The following SH3GL2 variants were observed in gnomAD, a reference collection of about 807,000 sequenced individuals.
SH3GL2 encodes endophilin-A1.
In SH3GL2, 24 loss-of-function variants were observed where a neutral mutation model predicts 46.0. The ratio of observed to expected loss-of-function variants is 0.52; its 90% CI spans 0.38 to 0.73. The LOEUF (loss-of-function observed/expected upper bound fraction) is 0.73, where lower values mean the gene tolerates loss of function less well. SH3GL2 is among the 30% of genes least tolerant of loss of function. SH3GL2 has a pLI of 0.00. For synonymous variants in SH3GL2, 196 were observed against 147.1 expected (o/e 1.33, Z -2.40); for missense variants, 413 against 424.2 (o/e 0.97, Z 0.23).
intron 1 of SH3GL2, among the ~76,000 whole-genome samples, chr9:17,595,091 C>T (rs1007872889): frequency 6.6e-6 from 1 of 152,124 alleles, no homozygotes; most frequent in South Asian, 2.1e-4. Flanking sequence ...TTATTATCCC[C>T]ATTTTACAGA....
At chr9:17,739,719 A>C (rs558731995) in intron 1 of SH3GL2, among the ~76,000 whole-genome samples, 2 of 152,316 alleles carry the variant, frequency 1.3e-5, no homozygotes, top group East Asian at 3.9e-4. Flanking sequence ...TGTAGTTATA[A>C]ACCATCTTTC....
At chr9:17,740,787 AT>A (rs931903961) in intron 1 of SH3GL2, among the ~76,000 whole-genome samples, 61 of 109,368 alleles carry the variant, frequency 5.6e-4, no homozygotes, top group African/African-American at 2.1e-3. Flanking sequence ...CCTTATTTAA[AT>A]TATGATTTTT....
intron 1 of SH3GL2, among the ~76,000 whole-genome samples, chr9:17,596,166 T>C (rs1180567340): frequency 6.6e-6 from 1 of 152,006 alleles, no homozygotes; most frequent in Non-Finnish European, 1.5e-5. Context: ...ATTAGGCATT[T>C]AGCTTAAAAC....
intron 1 of SH3GL2, among the ~76,000 whole-genome samples, chr9:17,581,838 A>T (rs1818281611): frequency 6.6e-6 from 1 of 152,170 alleles, no homozygotes; most frequent in Non-Finnish European, 1.5e-5. Context: ...AGCTGGGATT[A>T]TAGGCATGCA....
intron 3 of SH3GL2, among the ~76,000 whole-genome samples, chr9:17,783,128 C>G (rs187846490): frequency 3.9e-5 from 6 of 152,114 alleles, no homozygotes; most frequent in African/African-American, 1.4e-4. Flanking sequence ...CTGGTTTTTG[C>G]TGTTTATCAT....
chr9:17,638,183 C>A (rs1016789414), intron 1 of SH3GL2, among the ~76,000 whole-genome samples: 24 of 151,800 alleles, frequency 1.6e-4, no homozygotes, highest in African/African-American at 4.8e-4. Context: ...AACAAAAAAA[C>A]CACTGATTTC....
At chr9:17,594,144 C>T (rs997944172) in intron 1 of SH3GL2, among the ~76,000 whole-genome samples, 1 of 152,134 alleles carries the variant, frequency 6.6e-6, no homozygotes, top group African/African-American at 2.4e-5. Flanking sequence ...AGGATAGGTC[C>T]CTCTGAAGTC....
At chr9:17,593,804 C>G (rs1277623412) in intron 1 of SH3GL2, among the ~76,000 whole-genome samples, 1 of 152,130 alleles carries the variant, frequency 6.6e-6, no homozygotes, top group Non-Finnish European at 1.5e-5. Context: ...GAAAATGGTG[C>G]AATACCATCC....
chr9:17,741,294 ATG>A (rs1822522640), intron 1 of SH3GL2, among the ~76,000 whole-genome samples: 1 of 152,076 alleles, frequency 6.6e-6, no homozygotes, highest in Admixed American at 6.6e-5. Flanking sequence ...TTGCCTACAT[ATG>A]TGTGTGTTTA....
At chr9:17,587,121 G>A (rs905342307) in intron 1 of SH3GL2, among the ~76,000 whole-genome samples, 1 of 152,324 alleles carries the variant, frequency 6.6e-6, no homozygotes, top group Admixed American at 6.5e-5. Flanking sequence ...AGAATTGCTT[G>A]CACCTGGGAG....
chr9:17,767,527 A>G (rs1563846078), intron 3 of SH3GL2, among the ~76,000 whole-genome samples: 1 of 152,232 alleles, frequency 6.6e-6, no homozygotes, highest in Non-Finnish European at 1.5e-5. Flanking sequence ...TGGTCTCACA[A>G]CACACTGAAT....
At chr9:17,619,838 TG>T (rs151152878) in intron 1 of SH3GL2, among the ~76,000 whole-genome samples, 2,402 of 152,310 alleles carry the variant, frequency 0.016, 75 homozygotes, top group African/African-American at 0.055. Context: ...CTTTAGAGAA[TG>T]TTTTAATGGG....
intron 1 of SH3GL2, among the ~76,000 whole-genome samples, chr9:17,626,122 G>A (rs145555881): frequency 9.8e-5 from 15 of 152,310 alleles, no homozygotes; most frequent in Admixed American, 9.8e-4. Context: ...GGCTCTGGCC[G>A]CAGGACACAG....
intron 8 of SH3GL2, among the ~76,000 whole-genome samples, chr9:17,794,494 A>C (rs988647577): frequency 6.6e-6 from 1 of 152,190 alleles, no homozygotes; most frequent in Non-Finnish European, 1.5e-5. Context: ...AGGACTAGTC[A>C]CAGAAATTGT....
intron 1 of SH3GL2, among the ~76,000 whole-genome samples, chr9:17,621,204 C>A (rs1049770768): frequency 6.6e-6 from 1 of 152,144 alleles, no homozygotes; most frequent in Non-Finnish European, 1.5e-5. Flanking sequence ...TTGCCATTTT[C>A]CTTCATTGTA....
intron 1 of SH3GL2, among the ~76,000 whole-genome samples, chr9:17,609,595 A>G (rs939791522): frequency 6.6e-6 from 1 of 152,212 alleles, no homozygotes; most frequent in East Asian, 1.9e-4. Context: ...AGGTTTAACA[A>G]AACATCTCTG....
At chr9:17,756,747 C>A (rs1823003656) in intron 2 of SH3GL2, among the ~76,000 whole-genome samples, 1 of 151,974 alleles carries the variant, frequency 6.6e-6, no homozygotes, top group Non-Finnish European at 1.5e-5. Context: ...TGGGTTGGTT[C>A]CAAGTCTTTG....
chr9:17,608,830 A>G (rs1818808083), intron 1 of SH3GL2, among the ~76,000 whole-genome samples: 1 of 152,240 alleles, frequency 6.6e-6, no homozygotes, highest in African/African-American at 2.4e-5. Context: ...AGTGGAAACA[A>G]TTTAATCAAT....
rs151132967 is a variant in SH3GL2, at chr9:17,613,734, C to T, written c.45+34447C>T. Reference sequence around the variant, plus strand: ...TATGGGAGGTGACGGGAAGAATGGCCAGCAAGATGCTCTAGCCTGCAGAAA... The same window carrying T: ...TATGGGAGGTGACGGGAAGAATGGCTAGCAAGATGCTCTAGCCTGCAGAAA... On this transcript the variant is annotated intron_variant, in intron 1 of 8. Transcript: ENST00000380607. Among the ~76,000 whole-genome samples the T allele has an allele frequency of 4.4e-3, 668 of 152,286 alleles. 7 individuals carry two copies. The highest frequency in any genetic ancestry group is 0.015 in the African/African-American group (643 of 41,564).
Sources: gnomAD v4.1 joint callset for allele counts (sites outside exome capture counted in the v4.1 genomes callset) on GRCh38, gnomAD v4.1.1 for gene constraint, MANE v1.5 for transcripts, NCBI Gene and HGNC (gene_info 2026-07-23, HGNC 2026-07-21) for gene names.